Variants in MGA observed in about 807,000 individuals in gnomAD.
The protein encoded by MGA is MAX gene-associated protein.
A neutral mutation model predicts 261.1 loss-of-function variants in MGA; 40 were observed. The ratio of observed to expected loss-of-function variants is 0.15; its 90% CI spans 0.12 to 0.20. The LOEUF is 0.20. Among genes scored for constraint, MGA ranks in the 10% least tolerant of loss-of-function variants. The pLI, the probability that MGA is intolerant of heterozygous loss-of-function variation, is 1.00. For missense variants in MGA, 3,397 were observed against 3,630.5 expected, an observed-to-expected ratio of 0.94 and a Z score of 1.65; for synonymous variants, 1,302 against 1,290.6, an observed-to-expected ratio of 1.01 and a Z score of -0.19.
chr15:41,660,307 G>C (rs2057308860), upstream of MGA: 1 of 152,530 alleles, frequency 6.6e-6, no homozygotes, highest in South Asian at 2.1e-4. Flanking sequence ...TGGACTCCTG[G>C]TGTTGGGGGA....
intron 15 of MGA, among the ~76,000 whole-genome samples, chr15:41,744,466 G>A (rs557595354): frequency 6.6e-6 from 1 of 152,220 alleles, no homozygotes; most frequent in East Asian, 1.9e-4. Flanking sequence ...AAAGTGCTGG[G>A]ATTACAGGCG....
chr15:41,740,338 T>C, intron 14 of MGA, 135 bp downstream of exon 14: 9 of 977,570 alleles, frequency 9.2e-6, no homozygotes, highest in Non-Finnish European at 1.2e-5. Context: ...CTGTCTTGCC[T>C]GGACTTTTTT....
intron 15 of MGA, among the ~76,000 whole-genome samples, chr15:41,744,901 C>T (rs1461013397): frequency 1.3e-5 from 2 of 151,972 alleles, no homozygotes; most frequent in African/African-American, 4.8e-5. Flanking sequence ...TTTATTGAGA[C>T]GGAGTCTCGC....
At chr15:41,702,165 C>T (rs986238975) in intron 5 of MGA, among the ~76,000 whole-genome samples, 2 of 151,880 alleles carry the variant, frequency 1.3e-5, no homozygotes, top group Non-Finnish European at 2.9e-5. Flanking sequence ...ACTAAAAATA[C>T]AAAAAATTAG....
intron 1 of MGA, among the ~76,000 whole-genome samples, chr15:41,665,706 A>G (rs1299779342): frequency 6.6e-6 from 1 of 152,052 alleles, no homozygotes; most frequent in Non-Finnish European, 1.5e-5. Context: ...GATATAATTC[A>G]CATAACATAT....
chr15:41,735,204 C>T (rs949279667), intron 12 of MGA, among the ~76,000 whole-genome samples: 7 of 152,240 alleles, frequency 4.6e-5, no homozygotes, highest in Non-Finnish European at 8.8e-5. Flanking sequence ...TGCCTGAGAG[C>T]GTGAGCACCC....
intron 1 of MGA, among the ~76,000 whole-genome samples, chr15:41,666,747 T>C (rs1363039553): frequency 1.3e-5 from 2 of 152,240 alleles, no homozygotes; most frequent in African/African-American, 4.8e-5. Flanking sequence ...GTGTCATCAT[T>C]TGTTTTACCA....
Position 41,669,783 on chromosome 15 carries a change from G to A in MGA, c.889G>A (p.Gly297Ser), listed in dbSNP as rs993448976. 5 of 1,613,866 alleles carry A rather than the reference G, an allele frequency of 3.1e-6. No individual in the cohort carries two copies. The highest frequency in any genetic ancestry group is 1.7e-5 in the Admixed American group (1 of 59,998). ...TGGTCATCGGGTCCGTCTTACAGAA[G>A]GTCAGGGGTCAGAGATACAACCAGG... The change falls in exon 2 of 24, where the codon GGT (glycine) becomes AGT (serine). Residue 297 changes from glycine to serine, a missense_variant. Gly to Ser is a moderately conservative substitution (Grantham distance 56). Transcript: ENST00000219905.
In MGA at chr15:41,736,619, T is replaced by G. The variant is rs759986153; in HGVS notation, c.4355T>G (p.Phe1452Cys). ...TTACATGGAGGCAAAGGTCTGCCTT[T>G]TTATGCAGGGCTTTCTCCTGCAGGG... The change falls in exon 13 of 24, where the codon TTT (phenylalanine) becomes TGT (cysteine). Residue 1452 changes from phenylalanine to cysteine, a missense_variant. Around this residue, in one of 9 missense-constraint regions of MGA, gnomAD observed 1,410 missense variants for 1,386.4 expected, o/e 1.02. Transcript: ENST00000219905. 3.7e-6 allele frequency: 6 copies of G among 1,614,022 alleles called. No homozygotes were observed. The highest frequency in any genetic ancestry group is 5.1e-6 in the Non-Finnish European group (6 of 1,179,888).
chr15:41,639,855 C>T (rs1171383923), intron 1 of MGA, among the ~76,000 whole-genome samples: 2 of 152,030 alleles, frequency 1.3e-5, no homozygotes, highest in Admixed American at 6.6e-5. Context: ...GCCCCAGGAG[C>T]ATGTGGTTTT....
chr15:41,742,063 C>T (rs1383888818), intron 14 of MGA, among the ~76,000 whole-genome samples: 1 of 151,646 alleles, frequency 6.6e-6, no homozygotes, highest in East Asian at 2.0e-4. Context: ...TGTTTTTGGT[C>T]AAGGCAAGCG....
Position 41,740,163 on chromosome 15 carries a change from G to A in MGA, c.4545G>A (p.Gly1515=), listed in dbSNP as rs1309231732. 5 of 1,613,974 alleles carry A rather than the reference G, an allele frequency of 3.1e-6. No individual in the cohort carries two copies. Among genetic ancestry groups the A allele is most frequent in the South Asian group, 1.1e-5 (1 of 91,088 alleles). The change falls in exon 14 of 24, where the codon GGG becomes GGA. Residue 1515 remains glycine (G), a synonymous_variant. Transcript: ENST00000219905. ...CTGGCACTGCAACAAATCGCCCTGG[G>A]AAGAATCTGAAGGCGTTTGTCCCAG...
Position 41,736,247 on chromosome 15 carries a change from C to T in MGA, c.3983C>T (p.Ser1328Leu), listed in dbSNP as rs761761930. Reference sequence around the variant, plus strand: ...TCTACTTCTTATATGCATCAGAGGTCACCTGGTGGTCCCACCAAACTGATT... The same window carrying T: ...TCTACTTCTTATATGCATCAGAGGTTACCTGGTGGTCCCACCAAACTGATT... The change falls in exon 13 of 24, where the codon TCA becomes TTA. Residue 1328 changes from serine (S) to leucine (L), a missense_variant. Physicochemically the swap from Ser to Leu is moderately radical, Grantham distance 145 (BLOSUM62 -2). This residue lies in a region of MGA where 1,410 missense variants were observed against 1,386.4 expected (regional missense o/e 1.02). Transcript: ENST00000219905. The T allele has an allele frequency of 5.6e-6, 9 of 1,613,712 alleles. No homozygotes were observed. Among genetic ancestry groups the T allele is most frequent in the Non-Finnish European group, 7.6e-6 (9 of 1,179,810 alleles).
intron 5 of MGA, among the ~76,000 whole-genome samples, chr15:41,704,595 T>C (rs2060013422): frequency 6.6e-6 from 1 of 152,132 alleles, no homozygotes; most frequent in Non-Finnish European, 1.5e-5. Flanking sequence ...GAGGCGGAGC[T>C]TGCAGTGAGT....
intron 2 of MGA, among the ~76,000 whole-genome samples, chr15:41,673,605 C>T (rs570137716): frequency 7.9e-5 from 10 of 126,406 alleles, no homozygotes; most frequent in Non-Finnish European, 1.5e-4. Flanking sequence ...TGCAGTGGTA[C>T]GATCTCGGTT....
chr15:41,695,085 G>A (rs1312564927), intron 2 of MGA, among the ~76,000 whole-genome samples: 1 of 152,070 alleles, frequency 6.6e-6, no homozygotes, highest in Non-Finnish European at 1.5e-5. Flanking sequence ...TGCTGCTAAC[G>A]TGTTGACTTG....
At chr15:41,653,784 T>A (rs991173343) in intron 1 of MGA, among the ~76,000 whole-genome samples, 1 of 152,164 alleles carries the variant, frequency 6.6e-6, no homozygotes, top group Non-Finnish European at 1.5e-5. Context: ...CCCCCACCTT[T>A]TTTCCTCATA....
intron 15 of MGA, among the ~76,000 whole-genome samples, 193 bp from the exon 16 acceptor site, chr15:41,748,444 C>T (rs2062634330): frequency 6.6e-6 from 1 of 152,114 alleles, no homozygotes; most frequent in Admixed American, 6.5e-5. Flanking sequence ...GTCGCAGCTA[C>T]TCGGTATGCT....
chr15:41,628,367 C>CAAA (rs936932982), intron 1 of MGA, among the ~76,000 whole-genome samples: 4 of 47,060 alleles, frequency 8.5e-5, no homozygotes, highest in African/African-American at 1.5e-4. Context: ...ACTCTGTATC[C>CAAA]AAAAAAAAAA....
Sources: gnomAD v4.1 joint callset for allele counts (sites outside exome capture counted in the v4.1 genomes callset) on GRCh38, gnomAD v4.1.1 for gene constraint, gnomAD v4.1.1 regional missense constraint, MANE v1.5 for transcripts, NCBI Gene and HGNC (gene_info 2026-07-23, HGNC 2026-07-21) for gene names.